The following UQCR10 variants were observed in gnomAD, a reference collection of about 807,000 sequenced individuals.
The protein encoded by UQCR10 is cytochrome b-c1 complex subunit 9.
A neutral mutation model predicts 6.0 loss-of-function variants in UQCR10; 5 were observed. That is an observed-to-expected ratio of 0.83 (90% CI 0.43 to 1.74). UQCR10 has a LOEUF of 1.74. UQCR10 is among the 40% of genes most tolerant of loss of function. UQCR10 has a pLI of 0.02. For synonymous variants in UQCR10, 40 were observed against 37.4 expected (o/e 1.07, Z -0.26); for missense variants, 101 against 85.1 (o/e 1.19, Z -0.74).
intron 1 of UQCR10, among the ~76,000 whole-genome samples, chr22:29,768,383 T>TA (rs1389503549): frequency 6.6e-6 from 1 of 152,200 alleles, no homozygotes; most frequent in Non-Finnish European, 1.5e-5. Context: ...GAGTAGGCCT[T>TA]ATACATATAG....
chr22:29,767,728 A>G, intron 1 of UQCR10, 180 bp downstream of exon 1: 1 of 954,656 alleles, frequency 1.0e-6, no homozygotes, highest in Non-Finnish European at 1.5e-6. Flanking sequence ...ACGTTAAGCG[A>G]GGTTAATATA....
At position 29,770,088 on chromosome 22, in the gene UQCR10, G is replaced by A. The variant is rs966868751; in HGVS notation, c.*369G>A. 1.0e-5 allele frequency: 4 copies of A among 385,450 alleles called. No homozygotes were observed. The highest frequency in any genetic ancestry group is 8.4e-5 in the African/African-American group (4 of 47,790). The allele number at this position is 385,450 out of a possible 1,614,324, so 23.9% of individuals were successfully genotyped here. A position where few individuals can be genotyped will look rare whatever the true frequency, so the allele number is the denominator to read the frequency against. Reference sequence around the variant, plus strand: ...TTCCATTAACTTCCAAAGAATTCTGGTTTTCAAAACAGGAGCCAGAGTTGG... The same window carrying A: ...TTCCATTAACTTCCAAAGAATTCTGATTTTCAAAACAGGAGCCAGAGTTGG... On this transcript the variant is annotated 3_prime_UTR_variant, in exon 2 of 2. Coordinates refer to ENST00000330029, the MANE Select transcript of UQCR10 (RefSeq NM_013387.4).
At position 29,769,869 on chromosome 22, in the gene UQCR10, C is replaced by G. The variant is rs940836168; in HGVS notation, c.*150C>G. ...GCAAGAAACGGCTTTACTTACAAAA[C>G]AGACTCTTTACCTTCTGCTGTGTTT... On this transcript the variant is annotated 3_prime_UTR_variant, in exon 2 of 2. Coordinates refer to ENST00000330029, the MANE Select transcript of UQCR10 (RefSeq NM_013387.4). The G allele has an allele frequency of 1.1e-6, 1 of 881,116 alleles. No individual in the cohort carries two copies. The highest frequency in any genetic ancestry group is 2.0e-5 in the Admixed American group (1 of 50,066). The allele number at this position is 881,116 out of a possible 1,614,324, so 54.6% of individuals were successfully genotyped here.
intron 1 of UQCR10, among the ~76,000 whole-genome samples, chr22:29,768,868 C>T (rs2068244796): frequency 6.6e-6 from 1 of 152,164 alleles, no homozygotes. Context: ...CTCAGGCAGT[C>T]CTCCTGCCTT....
At position 29,767,468 on chromosome 22, in the gene UQCR10, A is replaced by G. The variant is rs1412798804; in HGVS notation, c.70A>G (p.Thr24Ala). 6.2e-7 allele frequency: 1 copy of G among 1,613,824 alleles called. No homozygotes were observed. The highest frequency in any genetic ancestry group is 8.5e-7 in the Non-Finnish European group (1 of 1,179,874). Reference sequence around the variant, plus strand: ...CCGCAGGACCTCCACCTTCGCCCTCACCATCATCGTGGGCGTCATGTTCTT... The same window carrying G: ...CCGCAGGACCTCCACCTTCGCCCTCGCCATCATCGTGGGCGTCATGTTCTT... ...LFRRTSTFALTIIVGVMFFER... is the reference protein window; with the variant it reads ...LFRRTSTFALAIIVGVMFFER... The change falls in exon 1 of 2, where the codon ACC becomes GCC. Residue 24 changes from threonine to alanine, a missense_variant. Transcript: ENST00000330029.
chr22:29,769,338 C>G (rs1452112275), intron 1 of UQCR10, among the ~76,000 whole-genome samples: 1 of 152,118 alleles, frequency 6.6e-6, no homozygotes, highest in Non-Finnish European at 1.5e-5. Flanking sequence ...CCCATCTCTA[C>G]TAAAAATACA....
rs536988546 is a variant in UQCR10 at position 29,767,462 on chromosome 22, G to A, written c.64G>A (p.Ala22Thr). ...GCTGTTCCGCAGGACCTCCACCTTC[G>A]CCCTCACCATCATCGTGGGCGTCAT... Reference protein sequence around the residue: ...SLLFRRTSTFALTIIVGVMFF... With the variant: ...SLLFRRTSTFTLTIIVGVMFF... The change falls in exon 1 of 2, where the codon GCC becomes ACC. Residue 22 changes from alanine (A) to threonine (T), a missense_variant. Transcript: ENST00000330029. 6 of 1,613,948 alleles carry A rather than the reference G, an allele frequency of 3.7e-6. No homozygotes were observed. In the South Asian group the frequency reaches 6.6e-5, roughly 18 times the overall value.
chr22:29,768,625 T>G (rs556949282), intron 1 of UQCR10, among the ~76,000 whole-genome samples: 25 of 148,156 alleles, frequency 1.7e-4, no homozygotes, highest in African/African-American at 5.1e-4. Flanking sequence ...GTGCTTTTTT[T>G]TGTTTTGTTT....
At position 29,769,744 on chromosome 22, in the gene UQCR10, C is replaced by A; in HGVS notation, c.*25C>A. ...GTTCCTTGGAGGCCCCCATCCAGGC[C>A]AGAAGGACCAGGTCCACCCAGCAGC... is the stretch of plus-strand genomic sequence containing the variant. On this transcript the variant is annotated 3_prime_UTR_variant, in exon 2 of 2. Coordinates refer to ENST00000330029, the MANE Select transcript of UQCR10 (RefSeq NM_013387.4). The A allele has an allele frequency of 6.2e-7, 1 of 1,601,006 alleles. No homozygotes were observed. Among genetic ancestry groups the A allele is most frequent in the Non-Finnish European group, 8.5e-7 (1 of 1,174,022 alleles).
intron 1 of UQCR10, 94 bp downstream of exon 1, chr22:29,767,642 G>C (rs370069820): frequency 1.6e-5 from 24 of 1,499,062 alleles, no homozygotes; most frequent in South Asian, 7.9e-5. Flanking sequence ...TACCAGGAAG[G>C]GGGTAAGGGG....
Position 29,770,028 on chromosome 22 carries a change from A to C in UQCR10, c.*309A>C. On this transcript the variant is annotated 3_prime_UTR_variant, in exon 2 of 2. Coordinates refer to ENST00000330029, the MANE Select transcript of UQCR10 (RefSeq NM_013387.4). ...TTGAGACCACTTCAAAGCCCTCTGCAAACACCCCAAAGGCAGAATCTGCTA... is the reference window on the plus strand; with the variant it reads ...TTGAGACCACTTCAAAGCCCTCTGCCAACACCCCAAAGGCAGAATCTGCTA... 1.9e-6 allele frequency: 1 copy of C among 531,266 alleles called. No individual in the cohort carries two copies. The highest frequency in any genetic ancestry group is 4.1e-5 in the East Asian group (1 of 24,358). 32.9% of individuals were successfully genotyped at this position (531,266 alleles called of 1,614,324 possible). A position where few individuals can be genotyped will look rare whatever the true frequency, so the allele number is the denominator to read the frequency against.
rs199719762 is a variant in UQCR10, at chr22:29,768,618, C to CT, written c.151-1052dup. Reference sequence around the variant, plus strand: ...TTATAACTCACCCATTTTCCTTGTGCTTTTTTTTGTTTTGTTTTGTTTTTT... The same window carrying CT: ...TTATAACTCACCCATTTTCCTTGTGCTTTTTTTTTGTTTTGTTTTGTTTTTT... On this transcript the variant is annotated intron_variant, in intron 1 of 1. Transcript: ENST00000330029. Among the ~76,000 whole-genome samples the CT allele has an allele frequency of 4.0e-3, 577 of 145,966 alleles. 2 individuals carry two copies. The highest frequency in any genetic ancestry group is 5.2e-3 in the Non-Finnish European group (346 of 66,782).
chr22:29,768,341 A>G (rs1732703264), intron 1 of UQCR10, among the ~76,000 whole-genome samples: 1 of 152,224 alleles, frequency 6.6e-6, no homozygotes, highest in African/African-American at 2.4e-5. Flanking sequence ...GGTGCAGTGC[A>G]TGCTTTATAT....
intron 1 of UQCR10, among the ~76,000 whole-genome samples, chr22:29,768,953 C>T (rs1422113885): frequency 1.3e-5 from 2 of 152,162 alleles, no homozygotes; most frequent in South Asian, 2.1e-4. Flanking sequence ...ATGAGAATTT[C>T]AGCCAATTTA....
At position 29,769,911 on chromosome 22, in the gene UQCR10, G is replaced by A. The variant is rs1191991072; in HGVS notation, c.*192G>A. ...GCTGTGTTTGAAGTATGTTTAGTCA[G>A]CATGCTCAGGAAATAAATGTGAATT... On this transcript the variant is annotated 3_prime_UTR_variant, in exon 2 of 2. Transcript: ENST00000330029. 1 of 735,104 alleles carries A rather than the reference G, an allele frequency of 1.4e-6. No individual in the cohort carries two copies. The highest frequency in any genetic ancestry group is 2.4e-6 in the Non-Finnish European group (1 of 413,060). 45.5% of individuals were successfully genotyped at this position (735,104 alleles called of 1,614,324 possible).
At chr22:29,767,850 A>C (rs1601737432) in intron 1 of UQCR10, among the ~76,000 whole-genome samples, 1 of 152,172 alleles carries the variant, frequency 6.6e-6, no homozygotes, top group East Asian at 1.9e-4. Context: ...TACTAGCTGC[A>C]CAGGAAGCCA....
intron 1 of UQCR10, among the ~76,000 whole-genome samples, chr22:29,767,765 T>G (rs939189572): frequency 2.0e-5 from 3 of 152,192 alleles, no homozygotes; most frequent in African/African-American, 7.2e-5. Flanking sequence ...TTGTAAGTAT[T>G]GCTGTGTGCC....
In UQCR10 at chr22:29,767,416, G is replaced by A; in HGVS notation, c.18G>A (p.Leu6=). The A allele has an allele frequency of 6.2e-7, 1 of 1,613,204 alleles. No individual in the cohort carries two copies. Among genetic ancestry groups the A allele is most frequent in the Non-Finnish European group, 8.5e-7 (1 of 1,179,440 alleles). The change falls in exon 1 of 2, where the codon TTG becomes TTA. Residue 6 remains leucine, a synonymous_variant. Transcript: ENST00000330029. MAAAT[L]TSKLYSLLFR... Reference sequence around the variant, plus strand: ...GAAGAAACATGGCGGCCGCGACGTTGACTTCGAAATTGTACTCCCTGCTGT... The same window carrying A: ...GAAGAAACATGGCGGCCGCGACGTTAACTTCGAAATTGTACTCCCTGCTGT...
chr22:29,767,382 T>G lies in UQCR10; in HGVS notation c.-17T>G. ...CCCAGCGCAGGCGCGGTGGCGCGAG[T>G]TGGACTGTGAAGAAACATGGCGGCC... is the stretch of plus-strand genomic sequence containing the variant. On this transcript the variant is annotated 5_prime_UTR_variant, in exon 1 of 2. Transcript: ENST00000330029. 1 of 1,419,740 alleles carries G rather than the reference T, an allele frequency of 7.0e-7. No homozygotes were observed. Among genetic ancestry groups the G allele is most frequent in the Non-Finnish European group, 9.8e-7 (1 of 1,016,670 alleles). 87.9% of individuals were successfully genotyped at this position (1,419,740 alleles called of 1,614,324 possible). A position where few individuals can be genotyped will look rare whatever the true frequency, so the allele number is the denominator to read the frequency against.
Sources: gnomAD v4.1 joint callset for allele counts (sites outside exome capture counted in the v4.1 genomes callset) on GRCh38, gnomAD v4.1.1 for gene constraint, MANE v1.5 for transcripts, NCBI Gene and HGNC (gene_info 2026-07-23, HGNC 2026-07-21) for gene names.